PDE10A: variants seen among roughly 807,000 people sequenced by gnomAD.
PDE10A encodes the protein cAMP and cAMP-inhibited cGMP 3',5'-cyclic phosphodiesterase 10A.
Under a neutral mutation model 97.7 loss-of-function variants are expected in PDE10A, and 39 were observed. That is an observed-to-expected ratio of 0.40 (90% CI 0.31 to 0.52). The LOEUF (loss-of-function observed/expected upper bound fraction) is 0.52, where lower values mean the gene tolerates loss of function less well. Ranked by LOEUF, PDE10A falls within the 20% of genes least tolerant of loss-of-function variation. The probability of loss-of-function intolerance (pLI) is 0.56; values close to 1 mark genes in which losing one functional copy is unlikely to be tolerated. For missense variants in PDE10A, 731 were observed against 1,047.8 expected (o/e 0.70, Z 4.17); for synonymous variants, 371 against 376.8 (o/e 0.98, Z 0.18).
At chr6:165,384,655 T>A (rs1019216108) in intron 17 of PDE10A, among the ~76,000 whole-genome samples, 1 of 51,122 alleles carries the variant, frequency 2.0e-5, no homozygotes, top group African/African-American at 1.2e-4. Context: ...TGTGTGTGTG[T>A]GTGTGTGTGT....
intron 1 of PDE10A, among the ~76,000 whole-genome samples, chr6:165,942,351 A>G (rs1783554484): frequency 6.6e-6 from 1 of 152,076 alleles, no homozygotes; most frequent in East Asian, 1.9e-4. Flanking sequence ...CACAAAATAA[A>G]GACTCCCTGA....
intron 18 of PDE10A, among the ~76,000 whole-genome samples, chr6:165,359,387 G>A (rs1783238069): frequency 6.6e-6 from 1 of 152,100 alleles, no homozygotes; most frequent in Non-Finnish European, 1.5e-5. Context: ...ATTTGGAACA[G>A]ACAGTGCTTT....
chr6:165,976,410 G>A (rs1336328268), intron 1 of PDE10A, among the ~76,000 whole-genome samples: 2 of 152,068 alleles, frequency 1.3e-5, no homozygotes, highest in Non-Finnish European at 2.9e-5. Flanking sequence ...CAATCAAAAT[G>A]TTCCAATTCA....
intron 1 of PDE10A, chr6:165,894,696 G>A (rs951846257): frequency 1.2e-5 from 4 of 346,372 alleles, no homozygotes; most frequent in Non-Finnish European, 2.3e-5. Context: ...CAATTCAGAG[G>A]GTCACCTTTT....
Position 165,545,122 on chromosome 6 carries a change from A to C in PDE10A, c.866-1554T>G, listed in dbSNP as rs557981211. The C allele has an allele frequency of 9.1e-4, 445 of 490,412 alleles. 6 individuals are homozygous for C. Among genetic ancestry groups the C allele is most frequent in the South Asian group, 5.7e-3 (372 of 65,578 alleles). 30.4% of individuals were successfully genotyped at this position (490,412 alleles called of 1,614,324 possible). ...TGCTCTCTTTAGGTCCTCCATATTCAATATTGATTCCTTCTTAAAATTTCT... is the reference window on the plus strand; with the variant it reads ...TGCTCTCTTTAGGTCCTCCATATTCCATATTGATTCCTTCTTAAAATTTCT... On this transcript the variant is annotated intron_variant, in intron 1 of 21. Transcript: ENST00000539869.
At chr6:165,455,890 C>T (rs1489204188) in intron 3 of PDE10A, among the ~76,000 whole-genome samples, 4 of 152,126 alleles carry the variant, frequency 2.6e-5, no homozygotes, top group Non-Finnish European at 5.9e-5. Context: ...AGATTTTTGT[C>T]CAAGTCTTGT....
At chr6:165,793,978 C>T (rs1185943186) in intron 1 of PDE10A, among the ~76,000 whole-genome samples, 1 of 152,104 alleles carries the variant, frequency 6.6e-6, no homozygotes, top group Non-Finnish European at 1.5e-5. Flanking sequence ...AGCCCTAAAA[C>T]CAGCCTCACA....
chr6:165,394,140 C>G (rs1785941932), intron 15 of PDE10A, among the ~76,000 whole-genome samples: 1 of 152,078 alleles, frequency 6.6e-6, no homozygotes. Context: ...CATAGGTATA[C>G]ACGTGCCATG....
At chr6:165,485,516 A>T (rs898897049) in intron 2 of PDE10A, among the ~76,000 whole-genome samples, 7 of 151,790 alleles carry the variant, frequency 4.6e-5, no homozygotes, top group Admixed American at 1.3e-4. Flanking sequence ...CAAAAAAATT[A>T]AAAAATGTGT....
intron 1 of PDE10A, among the ~76,000 whole-genome samples, chr6:165,647,780 C>T (rs867627288): frequency 2.6e-5 from 4 of 152,286 alleles, no homozygotes; most frequent in African/African-American, 9.6e-5. Flanking sequence ...ACTGCCTTTT[C>T]GGAAAAGACT....
chr6:165,707,772 T>C (rs551132158), intron 1 of PDE10A, among the ~76,000 whole-genome samples: 2 of 152,152 alleles, frequency 1.3e-5, no homozygotes, highest in South Asian at 4.2e-4. Flanking sequence ...AAAGTGTATG[T>C]GTGTGTGAGA....
chr6:165,455,520 A>G (rs1257429304), intron 3 of PDE10A, among the ~76,000 whole-genome samples: 1 of 152,232 alleles, frequency 6.6e-6, no homozygotes, highest in East Asian at 1.9e-4. Flanking sequence ...CAAAAGCGGC[A>G]AAATAGAAAC....
intron 1 of PDE10A, among the ~76,000 whole-genome samples, chr6:165,546,462 G>A (rs1281828583): frequency 6.6e-6 from 1 of 152,084 alleles, no homozygotes; most frequent in Non-Finnish European, 1.5e-5. Context: ...AGGATGGAAA[G>A]CATAATGCAA....
chr6:165,848,829 C>T (rs2128474500), intron 1 of PDE10A, among the ~76,000 whole-genome samples: 1 of 152,176 alleles, frequency 6.6e-6, no homozygotes, highest in African/African-American at 2.4e-5. Flanking sequence ...GCCTGCCTTT[C>T]CCAGGGGGGC....
At chr6:165,410,050 A>G (rs1787617962) in intron 13 of PDE10A, among the ~76,000 whole-genome samples, 1 of 152,164 alleles carries the variant, frequency 6.6e-6, no homozygotes, top group African/African-American at 2.4e-5. Flanking sequence ...TGGACAAATG[A>G]ATAAATTTTA....
At chr6:165,691,552 T>C (rs545407416) in intron 1 of PDE10A, among the ~76,000 whole-genome samples, 29 of 151,300 alleles carry the variant, frequency 1.9e-4, no homozygotes, top group African/African-American at 6.5e-4. Context: ...AAGTGATGTG[T>C]GACTGTACAC....
In PDE10A at chr6:165,435,294, G is replaced by A. The variant is rs575677994; in HGVS notation, c.1278C>T (p.Thr426=). The A allele has an allele frequency of 1.5e-4, 240 of 1,613,988 alleles. 1 individual carries two copies. The South Asian group carries it at 2.1e-3, about 14-fold the overall frequency. ...TGGACTTGGCCACATAAGCAGAGAC[G>A]GTGGTGCCCTGAGTGATGGGCCCAG... The part of the protein sequence containing the change: ...IPAGPITQGT[T]VSAYVAKSRK... Residue 426 remains threonine (T), a synonymous_variant, in exon 6 of 22, where the codon ACC becomes ACT. Coordinates refer to ENST00000539869, the MANE Select transcript of PDE10A (RefSeq NM_001385079.1).
At chr6:165,769,255 T>C (rs1777942241) in intron 1 of PDE10A, among the ~76,000 whole-genome samples, 1 of 152,184 alleles carries the variant, frequency 6.6e-6, no homozygotes, top group African/African-American at 2.4e-5. Context: ...TTTCATGTCA[T>C]CTAATTTTAA....
intron 1 of PDE10A, among the ~76,000 whole-genome samples, chr6:165,555,158 T>C (rs73039580): frequency 0.16 from 25,043 of 151,972 alleles, 2,669 homozygotes; most frequent in African/African-American, 0.3. Flanking sequence ...CGTTTTAAAA[T>C]AAAGAATGTA....
Sources: allele counts gnomAD v4.1 joint callset (sites outside exome capture counted in the v4.1 genomes callset), GRCh38; gene constraint gnomAD v4.1.1; transcripts MANE v1.5; gene names NCBI Gene and HGNC (gene_info 2026-07-23, HGNC 2026-07-21).